Variants in GNAL observed in about 807,000 individuals in gnomAD.
The protein encoded by GNAL is G protein subunit alpha L.
A neutral mutation model predicts 55.1 loss-of-function variants in GNAL; 18 were observed. The observed-to-expected ratio is 0.33, with a 90% CI of 0.23 to 0.48. GNAL has a LOEUF of 0.48. Ranked by LOEUF, GNAL falls within the 20% of genes least tolerant of loss-of-function variation. The pLI, the probability that GNAL is intolerant of heterozygous loss-of-function variation, is 0.99. For missense variants in GNAL, 412 were observed against 614.1 expected (o/e 0.67, Z 3.48); for synonymous variants, 253 against 237.0 (o/e 1.07, Z -0.62).
At chr18:11,803,015 G>A (rs191333326) in intron 4 of GNAL, among the ~76,000 whole-genome samples, 1 of 152,314 alleles carries the variant, frequency 6.6e-6, no homozygotes, top group Non-Finnish European at 1.5e-5. Flanking sequence ...GTTTCACTTG[G>A]AGATGGAAAG....
intron 5 of GNAL, among the ~76,000 whole-genome samples, chr18:11,832,846 G>T (rs1158930432): frequency 6.6e-6 from 1 of 151,868 alleles, no homozygotes; most frequent in Non-Finnish European, 1.5e-5. Context: ...GGTGACAAGA[G>T]TGAAACTCCA....
intron 1 of GNAL, among the ~76,000 whole-genome samples, chr18:11,702,872 CT>C (rs1254298390): frequency 6.6e-6 from 1 of 151,222 alleles, no homozygotes; most frequent in East Asian, 1.9e-4. Flanking sequence ...AATCCCAACA[CT>C]TTGGGAGGCT....
chr18:11,808,699 G>A (rs921536917), intron 4 of GNAL, among the ~76,000 whole-genome samples: 7 of 152,152 alleles, frequency 4.6e-5, no homozygotes, highest in South Asian at 2.1e-4. Context: ...ACTTGCACAC[G>A]AATGTTTATA....
At chr18:11,767,695 C>G (rs1568017710) in intron 4 of GNAL, among the ~76,000 whole-genome samples, 1 of 152,188 alleles carries the variant, frequency 6.6e-6, no homozygotes, top group African/African-American at 2.4e-5. Context: ...CTCTGTGCAT[C>G]CTTGCACTTG....
At chr18:11,774,705 A>G (rs1168167263) in intron 4 of GNAL, among the ~76,000 whole-genome samples, 1 of 152,176 alleles carries the variant, frequency 6.6e-6, no homozygotes, top group Non-Finnish European at 1.5e-5. Context: ...GCCTGACCCC[A>G]GAGCCTGTCC....
In GNAL at chr18:11,753,953, A is replaced by G. The variant is rs1235575143; in HGVS notation, c.624+8A>G. ...GACTTTGAATATTCCCAGGTAAGAA[A>G]TGCTTACTGAAATATTCTAACTAGT... is the stretch of plus-strand genomic sequence containing the variant. On this transcript the variant is annotated splice_region_variant and intron_variant, in intron 4 of 11. Transcript: ENST00000334049. 1.7e-5 allele frequency: 27 copies of G among 1,594,446 alleles called. No individual in the cohort carries two copies. Among genetic ancestry groups the G allele is most frequent in the African/African-American group, 2.7e-5 (2 of 74,480 alleles).
intron 1 of GNAL, among the ~76,000 whole-genome samples, chr18:11,739,939 C>G: frequency 6.6e-6 from 1 of 152,018 alleles, no homozygotes; most frequent in African/African-American, 2.4e-5. Context: ...AAACCTCCCC[C>G]TGCGTTCAGC....
intron 5 of GNAL, among the ~76,000 whole-genome samples, chr18:11,845,884 A>G (rs1320080322): frequency 1.3e-5 from 2 of 152,140 alleles, no homozygotes; most frequent in South Asian, 2.1e-4. Flanking sequence ...GGTCTTCACA[A>G]TATTTGCAAA....
intron 1 of GNAL, among the ~76,000 whole-genome samples, chr18:11,714,960 G>A (rs2031919923): frequency 6.6e-6 from 1 of 152,028 alleles, no homozygotes; most frequent in Non-Finnish European, 1.5e-5. Context: ...GGGCAACATG[G>A]TGAAACCCTG....
At chr18:11,879,582 G>A (rs2036613220) in intron 11 of GNAL, among the ~76,000 whole-genome samples, 1 of 152,070 alleles carries the variant, frequency 6.6e-6, no homozygotes, top group South Asian at 2.1e-4. Context: ...CCACCCTAAT[G>A]ACCTCATTTT....
chr18:11,746,768 C>A, intron 1 of GNAL: 1 of 390,908 alleles, frequency 2.6e-6, no homozygotes, highest in South Asian at 2.1e-5. Flanking sequence ...AAAATACACT[C>A]CCCAGACATT....
At position 11,707,726 on chromosome 18, in the gene GNAL, A is replaced by G. The variant is rs754789760; in HGVS notation, c.376+17787A>G. ...GTCCTAGGTGGCATTTTCTTCCCAC[A>G]GAAGGCTGTTCCACCTCCATTGAAG... On this transcript the variant is annotated intron_variant, in intron 1 of 11. Coordinates refer to ENST00000334049, the MANE Select transcript of GNAL (RefSeq NM_182978.4). Among the ~76,000 whole-genome samples, 70 of 152,356 alleles carry G rather than the reference A, an allele frequency of 4.6e-4. 1 individual carries two copies. The highest frequency in any genetic ancestry group is 1.2e-3 in the Admixed American group (19 of 15,306).
chr18:11,808,199 C>T (rs1395762873), intron 4 of GNAL, among the ~76,000 whole-genome samples: 1 of 152,114 alleles, frequency 6.6e-6, no homozygotes, highest in Non-Finnish European at 1.5e-5. Context: ...CCAGACTCTA[C>T]TCTCCTCCAA....
At chr18:11,831,770 G>A (rs771078380) in intron 5 of GNAL, among the ~76,000 whole-genome samples, 18 of 152,210 alleles carry the variant, frequency 1.2e-4, no homozygotes, top group Non-Finnish European at 1.8e-4. Flanking sequence ...GCCTTGTCCC[G>A]TCAAACAGGC....
At chr18:11,880,511 G>T (rs1303960649) in intron 11 of GNAL, among the ~76,000 whole-genome samples, 1 of 152,016 alleles carries the variant, frequency 6.6e-6, no homozygotes, top group African/African-American at 2.4e-5. Flanking sequence ...GGAGGTGGAG[G>T]TTGCAGTGAG....
chr18:11,712,514 C>T (rs573470865), intron 1 of GNAL, among the ~76,000 whole-genome samples: 2 of 152,278 alleles, frequency 1.3e-5, no homozygotes, highest in South Asian at 4.2e-4. Flanking sequence ...TTCAGCGGGG[C>T]TGGGACTTTC....
intron 4 of GNAL, among the ~76,000 whole-genome samples, chr18:11,819,936 G>A (rs768403111): frequency 2.0e-5 from 3 of 151,842 alleles, no homozygotes; most frequent in African/African-American, 7.3e-5. Context: ...GCACAGGGGC[G>A]TCACAGAAAA....
At chr18:11,822,830 T>TTC (rs1568043166) in intron 4 of GNAL, among the ~76,000 whole-genome samples, 1 of 149,674 alleles carries the variant, frequency 6.7e-6, no homozygotes, top group African/African-American at 2.4e-5. Context: ...CTTTTTTTTT[T>TTC]TTTTTTTTTG....
chr18:11,853,849 G>GTC (rs1057267751), intron 5 of GNAL: 11 of 167,038 alleles, frequency 6.6e-5, no homozygotes, highest in African/African-American at 2.7e-4. Flanking sequence ...TTGAGACAGA[G>GTC]TCTCGCTCTG....
Sources: allele counts gnomAD v4.1 joint callset (sites outside exome capture counted in the v4.1 genomes callset), GRCh38; gene constraint gnomAD v4.1.1; transcripts MANE v1.5; gene names NCBI Gene and HGNC (gene_info 2026-07-23, HGNC 2026-07-21).